HK3: variants seen among roughly 807,000 people sequenced by gnomAD.
HK3 encodes hexokinase 3, also known as hexokinase-3.
A neutral mutation model predicts 91.0 loss-of-function variants in HK3; 93 were observed. That is an observed-to-expected ratio of 1.02 (90% CI 0.86 to 1.21). HK3 has a LOEUF of 1.21. Ranked by LOEUF, HK3 falls within the 50% of genes most tolerant of loss-of-function variation. HK3 has a pLI of 0.00. For missense variants in HK3, 1,235 were observed against 1,247.4 expected (o/e 0.99, Z 0.15); for synonymous variants, 519 against 516.9 (o/e 1.00, Z -0.06).
chr5:176,888,544 A>G lies in HK3; in HGVS notation c.1092T>C (p.Arg364=). 1 of 1,560,038 alleles carries G rather than the reference A, an allele frequency of 6.4e-7. No individual in the cohort carries two copies. Among genetic ancestry groups the G allele is most frequent in the Non-Finnish European group, 8.7e-7 (1 of 1,151,126 alleles). ...CCAAGTCCTGCAGGATAGCATGGAC[A>G]CGGGCTGCCCCAGTAGAGGGGCTGG... is the stretch of plus-strand genomic sequence containing the variant. ...EMEDPSTGAA[R]VHAILQDLGL... Residue 364 remains arginine, a synonymous_variant, in exon 10 of 19, where the codon CGT becomes CGC. Transcript: ENST00000292432.
chr5:176,881,853 T>C lies in HK3; in HGVS notation c.2238-6A>G. The stretch of plus-strand genomic sequence containing the variant: ...CGCTGATCATCTTTTCAAACCTGCA[T>C]GAACATGTGTGCACTCGGCAGAAGG... On this transcript the variant is annotated splice_region_variant and splice_polypyrimidine_tract_variant and intron_variant, in intron 16 of 18. Transcript: ENST00000292432. The C allele has an allele frequency of 1.2e-6, 2 of 1,609,056 alleles. No homozygotes were observed. The highest frequency in any genetic ancestry group is 1.7e-6 in the Non-Finnish European group (2 of 1,178,158).
intron 2 of HK3, among the ~76,000 whole-genome samples, chr5:176,891,804 A>AC (rs1274072911): frequency 6.6e-6 from 1 of 150,948 alleles, no homozygotes; most frequent in Non-Finnish European, 1.5e-5. Flanking sequence ...CCTCTACCCT[A>AC]CCCCTCCTCT....
At chr5:176,889,937 C>T (rs1288893179) in intron 6 of HK3, among the ~76,000 whole-genome samples, 193 bp from the exon 7 acceptor site, 2 of 152,150 alleles carry the variant, frequency 1.3e-5, no homozygotes, top group Non-Finnish European at 2.9e-5. Context: ...CCTCCAATCC[C>T]ACCCTCAGCT....
At chr5:176,883,957 C>T in intron 14 of HK3, 82 bp downstream of exon 14, 3 of 1,573,174 alleles carry the variant, frequency 1.9e-6, no homozygotes, top group Non-Finnish European at 2.6e-6. Flanking sequence ...CCGCAGAGGG[C>T]TCCCCCCTCA....
chr5:176,888,649 G>A lies in HK3; in HGVS notation c.1070+60C>T, dbSNP rs73341827. 1.8e-3 allele frequency: 2,877 copies of A among 1,611,974 alleles called. 40 individuals carry two copies. The African/African-American group carries it at 0.031, about 17-fold the overall frequency. ...GCCCCATGGCTACCTTGGGAACAGA[G>A]TATCATCCCCTTCCTCCAAGCCAAG... On this transcript the variant is annotated intron_variant, in intron 9 of 18. Coordinates refer to ENST00000292432, the MANE Select transcript of HK3 (RefSeq NM_002115.3).
chr5:176,894,260 G>C (rs1190708958), intron 2 of HK3, among the ~76,000 whole-genome samples: 1 of 152,206 alleles, frequency 6.6e-6, no homozygotes, highest in Non-Finnish European at 1.5e-5. Flanking sequence ...CTGGCCACAC[G>C]TGGTTAACTA....
chr5:176,890,286 G>A (rs1048378989), intron 6 of HK3, among the ~76,000 whole-genome samples: 1 of 152,208 alleles, frequency 6.6e-6, no homozygotes, highest in Non-Finnish European at 1.5e-5. Context: ...CCTCCGTAGT[G>A]CTCCCAGAGT....
chr5:176,891,924 G>A (rs534277177), intron 2 of HK3, among the ~76,000 whole-genome samples: 3 of 152,252 alleles, frequency 2.0e-5, no homozygotes, highest in East Asian at 1.9e-4. Flanking sequence ...GTTGTTGAAC[G>A]AACAAGAGAA....
chr5:176,891,217 G>T (rs749550854), intron 3 of HK3, 26 bp from the exon 4 acceptor site: 1 of 1,614,030 alleles, frequency 6.2e-7, no homozygotes, highest in Admixed American at 1.7e-5. Context: ...GTCACAGAAA[G>T]CCATGCAGCT....
intron 2 of HK3, among the ~76,000 whole-genome samples, chr5:176,893,055 A>C (rs1450475116): frequency 6.6e-6 from 1 of 152,212 alleles, no homozygotes; most frequent in Non-Finnish European, 1.5e-5. Context: ...CTGCACATCC[A>C]GGAACTCAGG....
rs1758449268 is a variant in HK3 at position 176,882,022 on chromosome 5, T to C, written c.2159A>G (p.Asp720Gly). The C allele has an allele frequency of 6.2e-7, 1 of 1,613,026 alleles. No homozygotes were observed. The highest frequency in any genetic ancestry group is 1.3e-5 in the African/African-American group (1 of 74,860). Residue 720 changes from aspartate to glycine, a missense_variant, in exon 16 of 19, where the codon GAC (aspartate) becomes GGC (glycine). Physicochemically the swap from Asp to Gly is moderately conservative, Grantham distance 94. This residue lies in a region of HK3 where 513 missense variants were observed against 477.4 expected (regional missense o/e 1.07). Transcript: ENST00000292432. ...GCTGAGCATGGCCAGAGAGCCATCG[T>C]CCCCAAAGGCGCCCCACTCCATGTT... ...CINMEWGAFG[D>G]DGSLAMLSTR...
chr5:176,882,251 G>T, intron 15 of HK3, 124 bp from the exon 16 acceptor site: 1 of 999,556 alleles, frequency 1.0e-6, no homozygotes, highest in Non-Finnish European at 1.5e-6. Flanking sequence ...CTCACAGCCT[G>T]TCCCTGGTCC....
intron 6 of HK3, 63 bp from the exon 7 acceptor site, chr5:176,889,807 G>A: frequency 2.1e-6 from 3 of 1,411,226 alleles, no homozygotes; most frequent in East Asian, 2.3e-5. Flanking sequence ...GAATCCAGGG[G>A]ATGGGCAGGG....
Position 176,887,427 on chromosome 5 carries a change from C to A in HK3, c.1600+24G>T. ...GACCCCCAGGAGCCCATGTTTCGGT[C>A]CCACACTCAGGCCAGGTCCTTACCG... On this transcript the variant is annotated intron_variant, in intron 11 of 18. Transcript: ENST00000292432. The surrounding 1 kb of genome is among the most constrained non-coding windows in gnomAD (Gnocchi z 4.9). 1 of 1,612,522 alleles carries A rather than the reference C, an allele frequency of 6.2e-7. No homozygotes were observed. Among genetic ancestry groups the A allele is most frequent in the Admixed American group, 1.7e-5 (1 of 60,000 alleles).
chr5:176,883,367 C>CCCT (rs1280082481), intron 15 of HK3, among the ~76,000 whole-genome samples: 1 of 152,098 alleles, frequency 6.6e-6, no homozygotes, highest in Non-Finnish European at 1.5e-5. Context: ...GTATTTTGTC[C>CCCT]CCTCCCATTT....
At position 176,887,393 on chromosome 5, in the gene HK3, A is replaced by C. The variant is rs1758623600; in HGVS notation, c.1601-56T>G. On this transcript the variant is annotated intron_variant, in intron 11 of 18. Coordinates refer to ENST00000292432, the MANE Select transcript of HK3 (RefSeq NM_002115.3). The surrounding 1 kb of genome is among the most constrained non-coding windows in gnomAD (Gnocchi z 4.9). ...TAGGGCTTGTGGCTCCAGCCCCAGC[A>C]CACACTGGGACCCCCAGGAGCCCAT... 2 of 1,613,046 alleles carry C rather than the reference A, an allele frequency of 1.2e-6. No homozygotes were observed. Among genetic ancestry groups the C allele is most frequent in the African/African-American group, 2.7e-5 (2 of 74,920 alleles).
intron 8 of HK3, among the ~76,000 whole-genome samples, chr5:176,889,080 C>A (rs1388420124): frequency 6.6e-6 from 1 of 152,220 alleles, no homozygotes; most frequent in East Asian, 1.9e-4. Flanking sequence ...TCCTGGAGAA[C>A]AAGAAGGACC....
chr5:176,886,727 C>T (rs955904656), intron 13 of HK3, among the ~76,000 whole-genome samples: 1 of 152,202 alleles, frequency 6.6e-6, no homozygotes, highest in Non-Finnish European at 1.5e-5. Context: ...GACCCTGAGG[C>T]CCACACACCA....
intron 1 of HK3, 106 bp downstream of exon 1, chr5:176,899,161 G>A (rs1262092778): frequency 6.6e-6 from 1 of 152,236 alleles, no homozygotes; most frequent in Admixed American, 6.5e-5. Context: ...AGAACCAGCT[G>A]GCTTAATCTT....
Sources: allele counts gnomAD v4.1 joint callset (sites outside exome capture counted in the v4.1 genomes callset), GRCh38; gene constraint gnomAD v4.1.1; regional missense constraint gnomAD v4.1.1; non-coding constraint Gnocchi (gnomAD v3.1); transcripts MANE v1.5; gene names NCBI Gene and HGNC (gene_info 2026-07-23, HGNC 2026-07-21).